Variants in GRIN1 observed in about 807,000 individuals in gnomAD.
The protein encoded by GRIN1 is glutamate ionotropic receptor NMDA type subunit 1, also known as glutamate receptor ionotropic, NMDA 1.
Under a neutral mutation model 103.0 loss-of-function variants are expected in GRIN1, and 38 were observed. The ratio of observed to expected loss-of-function variants is 0.37; its 90% confidence interval spans 0.28 to 0.48. GRIN1 has a LOEUF of 0.48. Among genes scored for constraint, GRIN1 ranks in the 20% least tolerant of loss-of-function variants. GRIN1 has a pLI of 0.98. For synonymous variants in GRIN1, 544 were observed against 532.7 expected (o/e 1.02, Z -0.29); for missense variants, 577 against 1,288.9 (o/e 0.45, Z 8.46).
rs201578646 is a variant in GRIN1, at chr9:137,142,183, C to T, written c.393+36C>T. 2.1e-4 allele frequency: 333 copies of T among 1,611,568 alleles called. 3 individuals carry two copies. The South Asian group carries it at 3.1e-3, about 15-fold the overall frequency. On this transcript the variant is annotated intron_variant, in intron 2 of 19. Transcript: ENST00000371561. Reference sequence around the variant, plus strand: ...CTGCCAGACCAGGCCTTCCGGCCCTCGGCCCCAGGGCACAGCCTGGCCACT... The same window carrying T: ...CTGCCAGACCAGGCCTTCCGGCCCTTGGCCCCAGGGCACAGCCTGGCCACT...
chr9:137,168,599 T>G lies in GRIN1; in HGVS notation c.*1072T>G. 3.2e-6 allele frequency: 1 copy of G among 316,098 alleles called. No individual in the cohort carries two copies. Among genetic ancestry groups the G allele is most frequent in the Non-Finnish European group, 5.7e-6 (1 of 175,436 alleles). The allele number at this position is 316,098 out of a possible 1,614,324, so 19.6% of individuals were successfully genotyped here. A position where few individuals can be genotyped will look rare whatever the true frequency, so the allele number is the denominator to read the frequency against. On this transcript the variant is annotated 3_prime_UTR_variant, in exon 20 of 20. Transcript: ENST00000371561. ...CGGGTGCGTGACCGGCCCGCCACCT[T>G]GTACAGAACCAGCACTCCCAGGGCC...
chr9:137,167,126 G>T (rs995304110), intron 19 of GRIN1, among the ~76,000 whole-genome samples: 1 of 152,174 alleles, frequency 6.6e-6, no homozygotes, highest in Non-Finnish European at 1.5e-5. Flanking sequence ...TGGCATCTGG[G>T]GCTGGCCCCG....
intron 2 of GRIN1, among the ~76,000 whole-genome samples, chr9:137,143,493 C>T (rs925055529): frequency 5.3e-5 from 8 of 152,356 alleles, no homozygotes; most frequent in Non-Finnish European, 1.2e-4. Context: ...GAGAAGATGG[C>T]CTTACCCAGG....
In GRIN1 at chr9:137,167,726, C is replaced by T. The variant is rs751235619; in HGVS notation, c.*199C>T. 4.7e-5 allele frequency: 76 copies of T among 1,610,052 alleles called. No homozygotes were observed. In the East Asian group the frequency reaches 1.7e-3, roughly 36 times the overall value. Reference sequence around the variant, plus strand: ...CCCCGTCCCGGCCCCGCGCGTGCCCCCAGCGTGGGGCTAACGGGCGCCTTG... The same window carrying T: ...CCCCGTCCCGGCCCCGCGCGTGCCCTCAGCGTGGGGCTAACGGGCGCCTTG... On this transcript the variant is annotated 3_prime_UTR_variant, in exon 20 of 20. Transcript: ENST00000371561.
chr9:137,157,296 G>C (rs1048805284), intron 6 of GRIN1, among the ~76,000 whole-genome samples: 2 of 152,174 alleles, frequency 1.3e-5, no homozygotes, highest in Admixed American at 6.5e-5. Context: ...GGGTACTGCA[G>C]TGGAGCCTGC....
intron 4 of GRIN1, among the ~76,000 whole-genome samples, chr9:137,150,043 C>G (rs1425490786): frequency 2.0e-5 from 3 of 152,206 alleles, no homozygotes; most frequent in Non-Finnish European, 4.4e-5. Flanking sequence ...AGGCAGGAAT[C>G]TCCCCAGCCC....
chr9:137,145,431 T>G (rs1221446600), intron 2 of GRIN1, among the ~76,000 whole-genome samples: 4 of 74,180 alleles, frequency 5.4e-5, no homozygotes, highest in South Asian at 1.1e-3. Context: ...GTGGCAGGGA[T>G]GGGATGGGAG....
rs1564364189 is a variant in GRIN1 at position 137,162,868 on chromosome 9, TTATC to T, written c.2039_2042del (p.Ile680ThrfsTer4). 3 of 1,612,316 alleles carry T rather than the reference TTATC, an allele frequency of 1.9e-6. No individual in the cohort carries two copies. The highest frequency in any genetic ancestry group is 1.1e-5 in the South Asian group (1 of 90,880). ...CAGCTGAGGAACCCCTCGGACAAGT[TTATC>T]TACGCCACGGTGAAGCAGAGCTCCG... On this transcript the variant is annotated frameshift_variant, in exon 15 of 20. Transcript: ENST00000371561. LOFTEE classifies it high-confidence loss of function.
At chr9:137,153,882 C>T (rs1833056600) in intron 4 of GRIN1, among the ~76,000 whole-genome samples, 1 of 152,188 alleles carries the variant, frequency 6.6e-6, no homozygotes, top group South Asian at 2.1e-4. Flanking sequence ...GTGATCTCAG[C>T]TTACTGCAAC....
intron 6 of GRIN1, among the ~76,000 whole-genome samples, chr9:137,157,255 G>C (rs143877162): frequency 3.8e-4 from 58 of 151,660 alleles, no homozygotes; most frequent in African/African-American, 1.4e-3. Context: ...GGGCGGGGTC[G>C]CTTCCAGGAG....
At chr9:137,141,876 T>C (rs1255434823) in intron 1 of GRIN1, 137 bp from the exon 2 acceptor site, 9 of 911,298 alleles carry the variant, frequency 9.9e-6, no homozygotes, top group Non-Finnish European at 1.5e-5. Flanking sequence ...GGCCTGGGCA[T>C]GTAGCATGTA....
chr9:137,147,445 C>T (rs1832608088), intron 3 of GRIN1, among the ~76,000 whole-genome samples: 2 of 152,054 alleles, frequency 1.3e-5, no homozygotes, highest in Non-Finnish European at 2.9e-5. Flanking sequence ...CACATGCACA[C>T]ATGCACACGC....
rs1272762597 is a variant in GRIN1, at chr9:137,161,139, CG to C, written c.1283del (p.Gly428AlafsTer7). The C allele has an allele frequency of 1.6e-5, 25 of 1,612,708 alleles. No individual in the cohort carries two copies. Among genetic ancestry groups the C allele is most frequent in the Non-Finnish European group, 2.1e-5 (25 of 1,179,866 alleles). ...CATGCAAGGAGGAGTTCACAGTCAA[CG>C]GCGACCCAGTCAAGAAGGTGATCTG... ...GTCKEEFTVN[G>X]DPVKKVICTG... is the part of the protein sequence containing the mutation. On this transcript the variant is annotated frameshift_variant, in exon 9 of 20. Coordinates refer to ENST00000371561, the MANE Select transcript of GRIN1 (RefSeq NM_007327.4). LOFTEE classifies it high-confidence loss of function.
chr9:137,165,057 C>A, intron 18 of GRIN1, 129 bp from the exon 19 acceptor site: 2 of 780,366 alleles, frequency 2.6e-6, no homozygotes, highest in Admixed American at 1.7e-5. Context: ...GTCTGTCCAG[C>A]ACAGGGAGGC....
chr9:137,157,505 C>CTGTG (rs1251443734), intron 6 of GRIN1, among the ~76,000 whole-genome samples: 2 of 152,216 alleles, frequency 1.3e-5, no homozygotes, highest in Non-Finnish European at 2.9e-5. Flanking sequence ...ACCCCTCTCC[C>CTGTG]TGTGTGGCTG....
chr9:137,157,136 G>A lies in GRIN1; in HGVS notation c.968+99G>A. The A allele has an allele frequency of 1.9e-6, 2 of 1,066,016 alleles. 1 individual carries two copies. Among genetic ancestry groups the A allele is most frequent in the Middle Eastern group, 6.1e-4 (2 of 3,270 alleles). The allele number at this position is 1,066,016 out of a possible 1,614,324, so 66.0% of individuals were successfully genotyped here. A position where few individuals can be genotyped will look rare whatever the true frequency, so the allele number is the denominator to read the frequency against. ...GGGCCGCTCTTGGGGAGGTGGGCGG[G>A]GCCACTCTCCAGAGCTGGGCGGAGC... On this transcript the variant is annotated intron_variant, in intron 6 of 19. Coordinates refer to ENST00000371561, the MANE Select transcript of GRIN1 (RefSeq NM_007327.4).
At chr9:137,149,540 C>A (rs1832722325) in intron 4 of GRIN1, among the ~76,000 whole-genome samples, 1 of 152,246 alleles carries the variant, frequency 6.6e-6, no homozygotes, top group African/African-American at 2.4e-5. Flanking sequence ...GATTTCCCAA[C>A]TGAAGGATTG....
chr9:137,145,858 G>A lies in GRIN1; in HGVS notation c.526G>A (p.Ala176Thr). Residue 176 changes from alanine to threonine, a missense_variant, in exon 3 of 20, where the codon GCT (alanine) becomes ACT (threonine). Physicochemically the swap from Ala to Thr is moderately conservative, Grantham distance 58. Around this residue, in one of 9 missense-constraint regions of GRIN1, gnomAD observed 308 missense variants for 553.6 expected, o/e 0.56. Transcript: ENST00000371561. ...LVSDDHEGRA[A>T]QKRLETLLEE... ...CAGCGACGACCACGAGGGCCGGGCG[G>A]CTCAGAAACGCCTGGAGACGCTGCT... The A allele has an allele frequency of 6.2e-7, 1 of 1,609,876 alleles. No individual in the cohort carries two copies.
intron 4 of GRIN1, among the ~76,000 whole-genome samples, chr9:137,150,215 G>A (rs1832760178): frequency 6.6e-6 from 1 of 152,222 alleles, no homozygotes; most frequent in African/African-American, 2.4e-5. Flanking sequence ...CCCCAGGGAG[G>A]GTTGGCCTGG....
Sources: gnomAD v4.1 joint callset for allele counts (sites outside exome capture counted in the v4.1 genomes callset) on GRCh38, gnomAD v4.1.1 for gene constraint, gnomAD v4.1.1 regional missense constraint, MANE v1.5 for transcripts, NCBI Gene and HGNC (gene_info 2026-07-23, HGNC 2026-07-21) for gene names.